Variants in AFF3 observed in about 807,000 individuals in gnomAD.
AFF3 encodes AF4/FMR2 family member 3.
AFF3 carries 32 observed loss-of-function variants against 129.7 expected under a neutral mutation model. The ratio of observed to expected loss-of-function variants is 0.25; its 90% CI spans 0.19 to 0.33. The LOEUF is 0.33. Ranked by LOEUF, AFF3 falls within the 10% of genes least tolerant of loss-of-function variation. The probability of loss-of-function intolerance (pLI) is 1.00; values close to 1 mark genes in which losing one functional copy is unlikely to be tolerated. For synonymous variants in AFF3, 644 were observed against 635.4 expected (o/e 1.01, Z -0.20); for missense variants, 1,373 against 1,592.0 (o/e 0.86, Z 2.34).
chr2:99,595,253 T>C (rs2105001937), intron 14 of AFF3, among the ~76,000 whole-genome samples: 1 of 152,360 alleles, frequency 6.6e-6, no homozygotes, highest in East Asian at 1.9e-4. Context: ...TATCCAGCAT[T>C]ATGATAATTA....
intron 7 of AFF3, among the ~76,000 whole-genome samples, chr2:99,861,606 C>G (rs944666126): frequency 6.6e-6 from 1 of 152,206 alleles, no homozygotes; most frequent in Admixed American, 6.5e-5. Flanking sequence ...TTTGGTTGAG[C>G]TGCTCTGTAC....
chr2:100,081,558 T>G (rs1280052911), intron 4 of AFF3, among the ~76,000 whole-genome samples: 1 of 152,150 alleles, frequency 6.6e-6, no homozygotes, highest in East Asian at 1.9e-4. Context: ...CCCCTCATCA[T>G]CTGGCTTAGG....
chr2:99,943,274 C>T (rs917730342), intron 7 of AFF3, among the ~76,000 whole-genome samples: 7 of 152,178 alleles, frequency 4.6e-5, no homozygotes, highest in African/African-American at 1.4e-4. Flanking sequence ...TGGTCCCATG[C>T]GAGGGTCCAT....
At chr2:99,872,050 CA>C (rs1175543312) in intron 7 of AFF3, among the ~76,000 whole-genome samples, 1 of 151,332 alleles carries the variant, frequency 6.6e-6, no homozygotes, top group Non-Finnish European at 1.5e-5. Context: ...ACTAAAAATA[CA>C]AAAAATTAGC....
chr2:100,000,533 T>C (rs538658625), intron 7 of AFF3, among the ~76,000 whole-genome samples: 20 of 145,926 alleles, frequency 1.4e-4, no homozygotes, highest in African/African-American at 2.6e-4. Flanking sequence ...CACACACACA[T>C]ACACAAACAT....
Position 99,594,015 on chromosome 2 carries a change from G to T in AFF3, c.1646C>A (p.Ser549Tyr), listed in dbSNP as rs751452786. 1 of 1,581,254 alleles carries T rather than the reference G, an allele frequency of 6.3e-7. No individual in the cohort carries two copies. The highest frequency in any genetic ancestry group is 2.3e-5 in the East Asian group (1 of 44,334). ...APGSKGVKQK[S>Y]PPAAVAVAVS... is the part of the protein sequence containing the mutation. Reference sequence around the variant, plus strand: ...CGCCACGGCCACGGCCGCGGGCGGGGACTTCTGCTTCACGCCTTTACTCCC... The same window carrying T: ...CGCCACGGCCACGGCCGCGGGCGGGTACTTCTGCTTCACGCCTTTACTCCC... The change falls in exon 15 of 25, where the codon TCC (serine) becomes TAC (tyrosine). Residue 549 changes from serine (S) to tyrosine (Y), a missense_variant. Ser to Tyr is a moderately radical substitution (Grantham distance 144, BLOSUM62 -2). Around this residue, in one of 9 missense-constraint regions of AFF3, gnomAD observed 413 missense variants for 424.4 expected, o/e 0.97. Coordinates refer to ENST00000672756, the MANE Select transcript of AFF3 (RefSeq NM_001386135.1).
chr2:99,586,622 A>G (rs1487117531), intron 16 of AFF3, among the ~76,000 whole-genome samples: 1 of 152,192 alleles, frequency 6.6e-6, no homozygotes, highest in Non-Finnish European at 1.5e-5. Context: ...TAAGCCATTC[A>G]TCACAGAGGG....
At chr2:99,793,611 C>CATTAGA (rs1558856961) in intron 8 of AFF3, among the ~76,000 whole-genome samples, 2 of 152,116 alleles carry the variant, frequency 1.3e-5, no homozygotes, top group Admixed American at 6.6e-5. Context: ...GTTTGTAATA[C>CATTAGA]CTGTGGTGAT....
intron 7 of AFF3, among the ~76,000 whole-genome samples, chr2:99,891,845 CAG>C (rs985770501): frequency 6.0e-5 from 9 of 148,784 alleles, no homozygotes; most frequent in East Asian, 2.0e-4. Flanking sequence ...TTTTTTGAGA[CAG>C]AGTCTCGCTC....
chr2:99,755,313 G>A (rs1682002647), intron 8 of AFF3, among the ~76,000 whole-genome samples: 1 of 150,474 alleles, frequency 6.6e-6, no homozygotes, highest in South Asian at 2.1e-4. Context: ...TTGTTGCCTA[G>A]GCTGGAGTGC....
At chr2:100,008,961 C>A (rs1218548201) in intron 4 of AFF3, 29 bp from the exon 5 acceptor site, 5 of 1,610,776 alleles carry the variant, frequency 3.1e-6, no homozygotes. Context: ...GAGAGAACAA[C>A]CACACACACA....
intron 4 of AFF3, among the ~76,000 whole-genome samples, chr2:100,103,654 C>A (rs894182138): frequency 6.6e-6 from 1 of 151,974 alleles, no homozygotes; most frequent in Non-Finnish European, 1.5e-5. Flanking sequence ...TGAGATCCCC[C>A]GAGAAACGGA....
At chr2:99,970,687 C>T (rs1034673238) in intron 7 of AFF3, among the ~76,000 whole-genome samples, 1 of 152,206 alleles carries the variant, frequency 6.6e-6, no homozygotes, top group African/African-American at 2.4e-5. Flanking sequence ...CCTTCTCCTC[C>T]CTTTCCTATT....
chr2:99,613,639 A>G (rs1681144520), intron 13 of AFF3, among the ~76,000 whole-genome samples: 1 of 152,194 alleles, frequency 6.6e-6, no homozygotes, highest in African/African-American at 2.4e-5. Flanking sequence ...TGATTGATAT[A>G]CCATAATAAC....
At chr2:99,928,065 T>C (rs1696400390) in intron 7 of AFF3, among the ~76,000 whole-genome samples, 1 of 152,218 alleles carries the variant, frequency 6.6e-6, no homozygotes, top group Non-Finnish European at 1.5e-5. Context: ...TTGCTCCTCC[T>C]TGCCTTCCGC....
intron 7 of AFF3, among the ~76,000 whole-genome samples, chr2:99,893,683 G>A (rs1272679574): frequency 6.6e-6 from 1 of 152,114 alleles, no homozygotes; most frequent in Admixed American, 6.5e-5. Context: ...ATTTTGTTAC[G>A]GCAGCCCAAT....
intron 7 of AFF3, among the ~76,000 whole-genome samples, chr2:99,882,157 T>G (rs963527600): frequency 6.6e-6 from 1 of 152,052 alleles, no homozygotes; most frequent in Non-Finnish European, 1.5e-5. Context: ...TGGCTGTTCC[T>G]GCTTATGTGA....
chr2:99,857,716 C>T, intron 7 of AFF3, among the ~76,000 whole-genome samples: 1 of 152,146 alleles, frequency 6.6e-6, no homozygotes, highest in Non-Finnish European at 1.5e-5. Context: ...AACCTTGGTC[C>T]TAAAAATAAT....
In AFF3 at chr2:99,991,391, G is replaced by A. The variant is rs143095784; in HGVS notation, c.873+15241C>T. Among the ~76,000 whole-genome samples, 67 of 152,192 alleles carry A rather than the reference G, an allele frequency of 4.4e-4. 1 individual carries two copies. The highest frequency in any genetic ancestry group is 4.3e-3 in the Admixed American group (66 of 15,284). On this transcript the variant is annotated intron_variant, in intron 7 of 24. Transcript: ENST00000672756. Reference sequence around the variant, plus strand: ...CGCAGAAGGTCATTTGGTGTATCCCGATCCATCTCTGCCGTGTTCCTCTCG... The same window carrying A: ...CGCAGAAGGTCATTTGGTGTATCCCAATCCATCTCTGCCGTGTTCCTCTCG...
Sources: allele counts gnomAD v4.1 joint callset (sites outside exome capture counted in the v4.1 genomes callset), GRCh38; gene constraint gnomAD v4.1.1; regional missense constraint gnomAD v4.1.1; transcripts MANE v1.5; gene names NCBI Gene and HGNC (gene_info 2026-07-23, HGNC 2026-07-21).